ADAMTS12: variants seen among roughly 807,000 people sequenced by gnomAD.
The protein encoded by ADAMTS12 is ADAM metallopeptidase with thrombospondin type 1 motif 12.
ADAMTS12 carries 118 observed loss-of-function variants against 167.8 expected under a neutral mutation model. The ratio of observed to expected loss-of-function variants is 0.70; its 90% CI spans 0.61 to 0.82. The LOEUF (loss-of-function observed/expected upper bound fraction) is 0.82. Ranked by LOEUF, ADAMTS12 falls within the 40% of genes least tolerant of loss-of-function variation. The pLI, the probability that ADAMTS12 is intolerant of heterozygous loss-of-function variation, is 0.00. For missense variants in ADAMTS12, 1,916 were observed against 1,998.8 expected (o/e 0.96, Z 0.79); for synonymous variants, 704 against 716.9 (o/e 0.98, Z 0.29).
chr5:33,718,038 C>T (rs561179271), intron 3 of ADAMTS12, among the ~76,000 whole-genome samples: 124 of 152,324 alleles, frequency 8.1e-4, no homozygotes, highest in African/African-American at 2.8e-3. Flanking sequence ...GCGCTTCTCA[C>T]GTAGCAGGTT....
intron 16 of ADAMTS12, among the ~76,000 whole-genome samples, chr5:33,607,888 T>C (rs1738524486): frequency 1.3e-5 from 2 of 152,280 alleles, no homozygotes; most frequent in South Asian, 4.1e-4. Context: ...TAAGAAGATT[T>C]TTAAAGAGAA....
At chr5:33,846,779 T>G (rs1292390574) in intron 2 of ADAMTS12, among the ~76,000 whole-genome samples, 2 of 152,208 alleles carry the variant, frequency 1.3e-5, no homozygotes, top group Non-Finnish European at 2.9e-5. Context: ...ATTAAGGAAA[T>G]GTTTGTCCCC....
chr5:33,613,685 A>G (rs1393152785), intron 16 of ADAMTS12, among the ~76,000 whole-genome samples: 21 of 152,156 alleles, frequency 1.4e-4, no homozygotes, highest in Admixed American at 9.2e-4. Context: ...CTAAGATTTC[A>G]ATTTTTTTGT....
At chr5:33,533,699 G>T (rs1744234300) in intron 23 of ADAMTS12, among the ~76,000 whole-genome samples, 1 of 152,158 alleles carries the variant, frequency 6.6e-6, no homozygotes. Context: ...CTCGCTCAGT[G>T]CATTTTTATC....
chr5:33,639,692 A>G (rs1740368754), intron 11 of ADAMTS12, among the ~76,000 whole-genome samples: 1 of 152,202 alleles, frequency 6.6e-6, no homozygotes, highest in Admixed American at 6.5e-5. Flanking sequence ...CTTATCCACT[A>G]TGTTACACTG....
At chr5:33,753,671 G>A (rs113860233) in intron 2 of ADAMTS12, among the ~76,000 whole-genome samples, 100 of 152,142 alleles carry the variant, frequency 6.6e-4, no homozygotes, top group Non-Finnish European at 9.3e-4. Flanking sequence ...GGACCCAAGC[G>A]GCACAGAAGA....
intron 2 of ADAMTS12, among the ~76,000 whole-genome samples, chr5:33,870,191 G>A (rs1222473291): frequency 2.0e-5 from 3 of 152,118 alleles, no homozygotes; most frequent in South Asian, 4.2e-4. Context: ...CAGGCTTTAC[G>A]AACAATTTGT....
chr5:33,818,614 TGTTA>T (rs1485710811), intron 2 of ADAMTS12, among the ~76,000 whole-genome samples: 2 of 151,960 alleles, frequency 1.3e-5, no homozygotes, highest in African/African-American at 2.4e-5. Flanking sequence ...CTGGGTCACA[TGTTA>T]GTTCTATTTT....
intron 2 of ADAMTS12, among the ~76,000 whole-genome samples, chr5:33,791,770 CTTT>C (rs34517781): frequency 1.4e-5 from 2 of 141,290 alleles, no homozygotes; most frequent in Non-Finnish European, 1.5e-5. Context: ...ATTTCCTTTT[CTTT>C]TTTTTTTTTT....
Position 33,686,860 on chromosome 5 carries a change from C to G in ADAMTS12, c.635-2805G>C, listed in dbSNP as rs190976419. 7.4e-4 allele frequency among the ~76,000 whole-genome samples: 111 copies of G among 150,930 alleles called. 1 individual carries two copies. Among genetic ancestry groups the G allele is most frequent in the Admixed American group, 7.2e-3 (110 of 15,182 alleles). ...TGCTGTGTCCTCATCTGTCTCCTCT[C>G]TCTCTATATATATATGTAGGCACTG... On this transcript the variant is annotated intron_variant, in intron 3 of 23. Coordinates refer to ENST00000504830, the MANE Select transcript of ADAMTS12 (RefSeq NM_030955.4).
At chr5:33,631,221 T>C (rs528334241) in intron 12 of ADAMTS12, among the ~76,000 whole-genome samples, 4 of 152,202 alleles carry the variant, frequency 2.6e-5, no homozygotes, top group Non-Finnish European at 5.9e-5. Flanking sequence ...ATTGTGCTTA[T>C]AAAAATAAGG....
At chr5:33,537,498 G>A (rs1561108673) in intron 22 of ADAMTS12, among the ~76,000 whole-genome samples, 2 of 152,200 alleles carry the variant, frequency 1.3e-5, no homozygotes, top group Non-Finnish European at 2.9e-5. Context: ...CTTGTGTCAA[G>A]GTGACCTGTG....
intron 2 of ADAMTS12, among the ~76,000 whole-genome samples, chr5:33,880,366 G>T (rs1342392816): frequency 6.6e-6 from 1 of 152,216 alleles, no homozygotes; most frequent in Non-Finnish European, 1.5e-5. Context: ...TTAAGTGTCA[G>T]TAAACTTTTT....
At chr5:33,730,180 A>AT (rs1246038880) in intron 3 of ADAMTS12, among the ~76,000 whole-genome samples, 2 of 152,298 alleles carry the variant, frequency 1.3e-5, no homozygotes, top group East Asian at 3.9e-4. Flanking sequence ...GTGATATGGG[A>AT]TTAGACACAG....
In ADAMTS12 at chr5:33,649,701, G is replaced by C. The variant is rs1176551470; in HGVS notation, c.1191-4C>G. ...CCCATCATGCTGGATGCCGAAGCTG[G>C]CAGGGAAGAACCAAGCACAAGAAGA... On this transcript the variant is annotated splice_region_variant and splice_polypyrimidine_tract_variant and intron_variant, in intron 7 of 23. Transcript: ENST00000504830. 6.2e-7 allele frequency: 1 copy of C among 1,613,524 alleles called. No homozygotes were observed. The highest frequency in any genetic ancestry group is 1.7e-5 in the Admixed American group (1 of 59,998).
chr5:33,560,952 G>T, intron 20 of ADAMTS12, 75 bp downstream of exon 20: 1 of 1,516,646 alleles, frequency 6.6e-7, no homozygotes, highest in Non-Finnish European at 8.9e-7. Flanking sequence ...TTTAGCAAGT[G>T]TTTATATAAG....
At position 33,526,983 on chromosome 5, in the gene ADAMTS12, A is replaced by T; in HGVS notation, c.*205T>A. 8.6e-6 allele frequency: 5 copies of T among 584,508 alleles called. No individual in the cohort carries two copies. Among genetic ancestry groups the T allele is most frequent in the Non-Finnish European group, 1.5e-5 (5 of 340,312 alleles). 36.2% of individuals were successfully genotyped at this position (584,508 alleles called of 1,614,324 possible). ...ATTCTCCTAGCTATTTCACCTTCCT[A>T]TCAGGGAGCAGCAAGTACGGCAGCC... On this transcript the variant is annotated 3_prime_UTR_variant, in exon 24 of 24. Transcript: ENST00000504830.
At chr5:33,891,465 C>T in intron 1 of ADAMTS12, 2 of 433,252 alleles carry the variant, frequency 4.6e-6, no homozygotes, top group Non-Finnish European at 4.0e-6. Flanking sequence ...CCAGCTACCT[C>T]TTGGGTCTTT....
At chr5:33,660,910 G>A (rs911586206) in intron 6 of ADAMTS12, among the ~76,000 whole-genome samples, 3 of 152,166 alleles carry the variant, frequency 2.0e-5, no homozygotes, top group African/African-American at 7.2e-5. Flanking sequence ...ATCAGGGCAA[G>A]GTAGACATTT....
Sources: gnomAD v4.1 joint callset for allele counts (sites outside exome capture counted in the v4.1 genomes callset) on GRCh38, gnomAD v4.1.1 for gene constraint, MANE v1.5 for transcripts, NCBI Gene and HGNC (gene_info 2026-07-23, HGNC 2026-07-21) for gene names.